MC5R: variants seen among roughly 807,000 people sequenced by gnomAD.
MC5R encodes the protein melanocortin 5 receptor, also known as melanocortin receptor 5.
For synonymous variants in MC5R, 167 were observed against 164.4 expected (o/e 1.02, Z -0.12); for missense variants, 420 against 431.4 (o/e 0.97, Z 0.23).
chr18:13,825,605 T>C, intron 1 of MC5R, 122 bp from the exon 2 acceptor site: 1 of 528,488 alleles, frequency 1.9e-6, no homozygotes, highest in Non-Finnish European at 3.3e-6. Flanking sequence ...CCGAGCCCAG[T>C]CCTCTGATGC....
intron 1 of MC5R, among the ~76,000 whole-genome samples, chr18:13,824,817 T>TTTTC (rs1050251147): frequency 6.6e-6 from 1 of 152,054 alleles, no homozygotes; most frequent in African/African-American, 2.4e-5. Context: ...GTTTTTTTTT[T>TTTTC]TAAATACTGT....
chr18:13,826,888 A>T lies in MC5R; in HGVS notation c.*145A>T, dbSNP rs888566316. 173 of 807,318 alleles carry T rather than the reference A, an allele frequency of 2.1e-4. No individual in the cohort carries two copies. The Middle Eastern group carries it at 3.0e-3, about 14-fold the overall frequency. The allele number at this position is 807,318 out of a possible 1,614,324, so 50.0% of individuals were successfully genotyped here. Reference sequence around the variant, plus strand: ...TGGGCCTAAGAGGCTCTCTCTGTTCAGTTCCTGGTGATTATGTCCAACATG... The same window carrying T: ...TGGGCCTAAGAGGCTCTCTCTGTTCTGTTCCTGGTGATTATGTCCAACATG... On this transcript the variant is annotated 3_prime_UTR_variant, in exon 2 of 2. Coordinates refer to ENST00000589410, the MANE Select transcript of MC5R (RefSeq NM_005913.3).
At chr18:13,825,317 C>G (rs2044921055) in intron 1 of MC5R, among the ~76,000 whole-genome samples, 1 of 152,020 alleles carries the variant, frequency 6.6e-6, no homozygotes, top group Non-Finnish European at 1.5e-5. Flanking sequence ...GAGTGTCTCT[C>G]TAGTAAGATG....
Position 13,825,251 on chromosome 18 carries a change from A to T in MC5R, c.-39-476A>T, listed in dbSNP as rs77444244. On this transcript the variant is annotated intron_variant, in intron 1 of 1. Transcript: ENST00000589410. ...GAGTTGGGGACACTTATGATAGTGAACTTGAGCCCAGGAGAGAAGCCATAA... is the reference window on the plus strand; with the variant it reads ...GAGTTGGGGACACTTATGATAGTGATCTTGAGCCCAGGAGAGAAGCCATAA... Among the ~76,000 whole-genome samples the T allele has an allele frequency of 6.9e-4, 105 of 152,296 alleles. 1 individual carries two copies. In the East Asian group the frequency reaches 0.016, roughly 24 times the overall value.
chr18:13,826,825 G>A lies in MC5R; in HGVS notation c.*82G>A. 6.8e-7 allele frequency: 1 copy of A among 1,461,340 alleles called. No individual in the cohort carries two copies. 90.5% of individuals were successfully genotyped at this position (1,461,340 alleles called of 1,614,324 possible). On this transcript the variant is annotated 3_prime_UTR_variant, in exon 2 of 2. Transcript: ENST00000589410. The stretch of plus-strand genomic sequence containing the variant: ...AGCGACAGCCAAGGGGTAGGCGGGA[G>A]TGCTAGCATCCCATTTTTCTCTTTA...
chr18:13,826,224 C>A lies in MC5R; in HGVS notation c.459C>A (p.Ile153=), dbSNP rs1376153109. Reference sequence around the variant, plus strand: ...TCTACGCCCTGCGCTACCACCACATCATGACGGCGAGGCGCTCAGGGGCCA... The same window carrying A: ...TCTACGCCCTGCGCTACCACCACATAATGACGGCGAGGCGCTCAGGGGCCA... ...TIFYALRYHH[I]MTARRSGAII... The change falls in exon 2 of 2, where the codon ATC becomes ATA. Residue 153 remains isoleucine (I), a synonymous_variant. Coordinates refer to ENST00000589410, the MANE Select transcript of MC5R (RefSeq NM_005913.3). 1 of 1,614,042 alleles carries A rather than the reference C, an allele frequency of 6.2e-7. No individual in the cohort carries two copies. The highest frequency in any genetic ancestry group is 8.5e-7 in the Non-Finnish European group (1 of 1,180,050).
At chr18:13,825,641 G>T in intron 1 of MC5R, 86 bp from the exon 2 acceptor site, 1 of 754,074 alleles carries the variant, frequency 1.3e-6, no homozygotes, top group Non-Finnish European at 2.2e-6. Flanking sequence ...CCCTTTCTTA[G>T]GCTGTGTTGG....
At chr18:13,824,647 C>T (rs1470017563) in intron 1 of MC5R, among the ~76,000 whole-genome samples, 1 of 151,846 alleles carries the variant, frequency 6.6e-6, no homozygotes, top group African/African-American at 2.4e-5. Context: ...TGTCCCTCAC[C>T]CCCTCCCTCC....
At position 13,826,406 on chromosome 18, in the gene MC5R, C is replaced by G; in HGVS notation, c.641C>G (p.Thr214Ser). 1.2e-6 allele frequency: 2 copies of G among 1,614,052 alleles called. No homozygotes were observed. Among genetic ancestry groups the G allele is most frequent in the Non-Finnish European group, 8.5e-7 (1 of 1,179,974 alleles). The change falls in exon 2 of 2, where the codon ACT (threonine) becomes AGT (serine). Residue 214 changes from threonine to serine, a missense_variant. Transcript: ENST00000589410. ...LYIHMFLLAR[T>S]HVKRIAALPG... Reference sequence around the variant, plus strand: ...ATACACATGTTCCTCCTGGCGCGGACTCACGTCAAGCGGATCGCGGCTCTG... The same window carrying G: ...ATACACATGTTCCTCCTGGCGCGGAGTCACGTCAAGCGGATCGCGGCTCTG...
rs781640318 is a variant in MC5R, at chr18:13,826,483, G to A, written c.718G>A (p.Val240Ile). ...GACCAGCATGCAGGGCGCGGTCACCGTCACCATGCTGCTGGGCGTGTTTAC... is the reference window on the plus strand; with the variant it reads ...GACCAGCATGCAGGGCGCGGTCACCATCACCATGCTGCTGGGCGTGTTTAC... The part of the protein sequence containing the change: ...QRTSMQGAVT[V>I]TMLLGVFTVC... Residue 240 changes from valine (V) to isoleucine (I), a missense_variant, in exon 2 of 2, where the codon GTC (valine) becomes ATC (isoleucine). Transcript: ENST00000589410. 5.0e-6 allele frequency: 8 copies of A among 1,613,466 alleles called. No individual in the cohort carries two copies. Among genetic ancestry groups the A allele is most frequent in the Non-Finnish European group, 6.8e-6 (8 of 1,179,602 alleles).
Position 13,826,412 on chromosome 18 carries a change from T to C in MC5R, c.647T>C (p.Val216Ala). 1 of 1,614,034 alleles carries C rather than the reference T, an allele frequency of 6.2e-7. No individual in the cohort carries two copies. Among genetic ancestry groups the C allele is most frequent in the African/African-American group, 1.3e-5 (1 of 75,050 alleles). ...ATGTTCCTCCTGGCGCGGACTCACG[T>C]CAAGCGGATCGCGGCTCTGCCCGGG... is the stretch of plus-strand genomic sequence containing the variant. Reference protein sequence around the residue: ...IHMFLLARTHVKRIAALPGAS... With the variant: ...IHMFLLARTHAKRIAALPGAS... Residue 216 changes from valine to alanine, a missense_variant, in exon 2 of 2, where the codon GTC (valine) becomes GCC (alanine). Physicochemically the swap from Val to Ala is moderately conservative, Grantham distance 64 (BLOSUM62 0). Coordinates refer to ENST00000589410, the MANE Select transcript of MC5R (RefSeq NM_005913.3).
chr18:13,824,289 C>CT lies in MC5R; in HGVS notation c.-40+18dup, dbSNP rs2044915255. On this transcript the variant is annotated intron_variant, in intron 1 of 1. Coordinates refer to ENST00000589410, the MANE Select transcript of MC5R (RefSeq NM_005913.3). Reference sequence around the variant, plus strand: ...GAGGAGCACCGGTAAATAGCCACAACTTTCTATCTCCTTGAGATCCTGAGA... The same window carrying CT: ...GAGGAGCACCGGTAAATAGCCACAACTTTTCTATCTCCTTGAGATCCTGAGA... 2 of 152,360 alleles carry CT rather than the reference C, an allele frequency of 1.3e-5. No individual in the cohort carries two copies. The highest frequency in any genetic ancestry group is 1.3e-4 in the Admixed American group (2 of 15,310). 9.4% of individuals were successfully genotyped at this position (152,360 alleles called of 1,614,324 possible).
At position 13,825,109 on chromosome 18, in the gene MC5R, T is replaced by C. The variant is rs1471120669; in HGVS notation, c.-39-618T>C. Among the ~76,000 whole-genome samples, 8 of 152,224 alleles carry C rather than the reference T, an allele frequency of 5.3e-5. No homozygotes were observed. In the East Asian group the frequency reaches 1.3e-3, roughly 26 times the overall value. ...AGTGTTAGGGATGCACCTGTCTGTCTGTCTTAAGGGAATACGGGTCTGGGC... is the reference window on the plus strand; with the variant it reads ...AGTGTTAGGGATGCACCTGTCTGTCCGTCTTAAGGGAATACGGGTCTGGGC... On this transcript the variant is annotated intron_variant, in intron 1 of 1. Coordinates refer to ENST00000589410, the MANE Select transcript of MC5R (RefSeq NM_005913.3).
chr18:13,826,481 C>T lies in MC5R; in HGVS notation c.716C>T (p.Thr239Ile). The T allele has an allele frequency of 6.2e-7, 1 of 1,613,660 alleles. No homozygotes were observed. The highest frequency in any genetic ancestry group is 8.5e-7 in the Non-Finnish European group (1 of 1,179,630). Residue 239 changes from threonine to isoleucine, a missense_variant, in exon 2 of 2, where the codon ACC becomes ATC. Transcript: ENST00000589410. ...RQRTSMQGAVTVTMLLGVFTV... is the reference protein window; with the variant it reads ...RQRTSMQGAVIVTMLLGVFTV... ...AGGACCAGCATGCAGGGCGCGGTCA[C>T]CGTCACCATGCTGCTGGGCGTGTTT...
chr18:13,825,229 T>C (rs1217841385), intron 1 of MC5R, among the ~76,000 whole-genome samples: 1 of 152,052 alleles, frequency 6.6e-6, no homozygotes, highest in Non-Finnish European at 1.5e-5. Flanking sequence ...AGGTTATGAG[T>C]TGGGGACACT....
In MC5R at chr18:13,825,145, C is replaced by G. The variant is rs368918798; in HGVS notation, c.-39-582C>G. On this transcript the variant is annotated intron_variant, in intron 1 of 1. Coordinates refer to ENST00000589410, the MANE Select transcript of MC5R (RefSeq NM_005913.3). Reference sequence around the variant, plus strand: ...AATACGGGTCTGGGCAGTCTTAAATCGGAGCTCCCTTGAGGAGAATGTCGT... The same window carrying G: ...AATACGGGTCTGGGCAGTCTTAAATGGGAGCTCCCTTGAGGAGAATGTCGT... 1.3e-4 allele frequency among the ~76,000 whole-genome samples: 20 copies of G among 152,270 alleles called. No individual in the cohort carries two copies. In the East Asian group the frequency reaches 3.7e-3, roughly 28 times the overall value.
At chr18:13,824,969 T>G (rs2044919395) in intron 1 of MC5R, among the ~76,000 whole-genome samples, 1 of 152,204 alleles carries the variant, frequency 6.6e-6, no homozygotes, top group South Asian at 2.1e-4. Flanking sequence ...ACTTACAAAC[T>G]TAAGACAGTA....
Position 13,826,918 on chromosome 18 carries a change from G to A in MC5R, c.*175G>A. ...CTGGTGATTATGTCCAACATGCAAG[G>A]GTTGCTTATCCACTCTGGGGACAGT... On this transcript the variant is annotated 3_prime_UTR_variant, in exon 2 of 2. Transcript: ENST00000589410. 1.6e-6 allele frequency: 1 copy of A among 640,398 alleles called. No homozygotes were observed. The highest frequency in any genetic ancestry group is 3.2e-5 in the Admixed American group (1 of 31,194). The allele number at this position is 640,398 out of a possible 1,614,324, so 39.7% of individuals were successfully genotyped here.
intron 1 of MC5R, among the ~76,000 whole-genome samples, chr18:13,824,752 A>G (rs956080272): frequency 6.6e-6 from 1 of 152,160 alleles, no homozygotes; most frequent in Non-Finnish European, 1.5e-5. Context: ...ATTTTTGAAA[A>G]TGAATCATAA....
Sources: allele counts gnomAD v4.1 joint callset (sites outside exome capture counted in the v4.1 genomes callset), GRCh38; gene constraint gnomAD v4.1.1; transcripts MANE v1.5; gene names NCBI Gene and HGNC (gene_info 2026-07-23, HGNC 2026-07-21).